Variants in PCDH15 observed in about 807,000 individuals in gnomAD.
PCDH15 encodes the protein protocadherin related 15.
In PCDH15, 129 loss-of-function variants were observed where a neutral mutation model predicts 178.5. That is an observed-to-expected ratio of 0.72 (90% confidence interval 0.63 to 0.84). The LOEUF (loss-of-function observed/expected upper bound fraction) is 0.84, where lower values mean the gene tolerates loss of function less well. Ranked by LOEUF, PCDH15 falls within the 40% of genes least tolerant of loss-of-function variation. The pLI, the probability that PCDH15 is intolerant of heterozygous loss-of-function variation, is 0.00. For synonymous variants in PCDH15, 800 were observed against 732.0 expected (o/e 1.09, Z -1.50); for missense variants, 2,230 against 2,099.9 (o/e 1.06, Z -1.21).
At chr10:55,565,138 T>C (rs1049990442) in intron 2 of PCDH15, among the ~76,000 whole-genome samples, 1 of 151,660 alleles carries the variant, frequency 6.6e-6, no homozygotes, top group Non-Finnish European at 1.5e-5. Flanking sequence ...AAAGATATCA[T>C]ACAAAGTATC....
At chr10:55,457,457 A>T (rs1839578525) in intron 2 of PCDH15, among the ~76,000 whole-genome samples, 4 of 152,040 alleles carry the variant, frequency 2.6e-5, no homozygotes, top group African/African-American at 9.7e-5. Flanking sequence ...CTTGATGCAA[A>T]CATGCATCGC....
At chr10:54,028,963 T>C (rs1018932624) in intron 18 of PCDH15, among the ~76,000 whole-genome samples, 4 of 149,704 alleles carry the variant, frequency 2.7e-5, no homozygotes, top group Non-Finnish European at 5.9e-5. Context: ...GACTACAATA[T>C]CCCCCAGAAA....
At chr10:55,404,731 A>C (rs1838157265) in intron 2 of PCDH15, among the ~76,000 whole-genome samples, 1 of 151,972 alleles carries the variant, frequency 6.6e-6, no homozygotes, top group Non-Finnish European at 1.5e-5. Flanking sequence ...ATGTATAAAA[A>C]TATAGATGCT....
At chr10:55,108,792 T>C (rs533442426) in intron 2 of PCDH15, among the ~76,000 whole-genome samples, 1 of 152,140 alleles carries the variant, frequency 6.6e-6, no homozygotes, top group Non-Finnish European at 1.5e-5. Flanking sequence ...TCCTTCATAA[T>C]TGCTTGAAAA....
intron 18 of PCDH15, among the ~76,000 whole-genome samples, chr10:54,056,413 G>A (rs28701623): frequency 0.21 from 31,747 of 152,026 alleles, 3,495 homozygotes; most frequent in Non-Finnish European, 0.23. Context: ...GGGAAGCCTC[G>A]CAATCATGGC....
chr10:54,317,809 G>A (rs12247611), intron 7 of PCDH15, among the ~76,000 whole-genome samples: 7,180 of 151,598 alleles, frequency 0.047, 522 homozygotes, highest in African/African-American at 0.16. Context: ...GCACAATGTA[G>A]ACTTAGTTTT....
intron 1 of PCDH15, among the ~76,000 whole-genome samples, chr10:55,312,119 G>C (rs925613669): frequency 6.6e-6 from 1 of 152,026 alleles, no homozygotes; most frequent in African/African-American, 2.4e-5. Flanking sequence ...CATGTTGCTC[G>C]AGGGCAAACT....
intron 2 of PCDH15, among the ~76,000 whole-genome samples, chr10:55,544,346 C>A (rs1841833548): frequency 6.6e-6 from 1 of 151,088 alleles, no homozygotes; most frequent in Non-Finnish European, 1.5e-5. Context: ...ACTGTTAAAC[C>A]TTTTAACACT....
At chr10:54,246,766 A>G (rs2055977601) in intron 8 of PCDH15, among the ~76,000 whole-genome samples, 1 of 151,922 alleles carries the variant, frequency 6.6e-6, no homozygotes, top group Non-Finnish European at 1.5e-5. Flanking sequence ...ACGTGGTTGT[A>G]TGGTTTACAT....
At chr10:55,503,010 A>G (rs1042579352) in intron 2 of PCDH15, among the ~76,000 whole-genome samples, 1 of 151,728 alleles carries the variant, frequency 6.6e-6, no homozygotes, top group East Asian at 1.9e-4. Context: ...GCAAAACAAC[A>G]TATATTTTCC....
At chr10:54,144,441 G>T (rs111455790) in intron 14 of PCDH15, among the ~76,000 whole-genome samples, 2 of 152,062 alleles carry the variant, frequency 1.3e-5, no homozygotes, top group African/African-American at 4.8e-5. Context: ...GAAATGAAAC[G>T]CACCAGATCA....
At chr10:54,483,498 T>C (rs77272564) in intron 3 of PCDH15, among the ~76,000 whole-genome samples, 2,690 of 151,992 alleles carry the variant, frequency 0.018, 62 homozygotes, top group African/African-American at 0.061. Context: ...CTAATACTTC[T>C]CATTCTCTTG....
chr10:54,616,353 T>C (rs2093153680), intron 2 of PCDH15, among the ~76,000 whole-genome samples: 1 of 152,072 alleles, frequency 6.6e-6, no homozygotes, highest in Non-Finnish European at 1.5e-5. Context: ...AAAGAACATA[T>C]TCCTAATCAG....
At chr10:54,459,079 T>C (rs575608462) in intron 3 of PCDH15, among the ~76,000 whole-genome samples, 17 of 152,060 alleles carry the variant, frequency 1.1e-4, no homozygotes, top group African/African-American at 2.9e-4. Flanking sequence ...GTCGTGTTCA[T>C]TGGTGTATCT....
chr10:55,183,036 A>G (rs1292503050), intron 1 of PCDH15, among the ~76,000 whole-genome samples: 1 of 151,936 alleles, frequency 6.6e-6, no homozygotes, highest in Admixed American at 6.6e-5. Context: ...CTTCACATCT[A>G]TATTCTCATC....
At chr10:54,663,219 C>T (rs1264193845) in intron 2 of PCDH15, among the ~76,000 whole-genome samples, 1 of 151,790 alleles carries the variant, frequency 6.6e-6, no homozygotes, top group Admixed American at 6.6e-5. Context: ...TTTAGCCAAG[C>T]AAAGCACAAA....
intron 18 of PCDH15, among the ~76,000 whole-genome samples, chr10:54,054,001 G>C (rs1308325719): frequency 6.6e-6 from 1 of 152,082 alleles, no homozygotes; most frequent in African/African-American, 2.4e-5. Context: ...GAGAGTGAGA[G>C]AGAAAGAGGA....
intron 3 of PCDH15, among the ~76,000 whole-genome samples, chr10:54,380,705 CATAT>C (rs58171476): frequency 0.3 from 14,570 of 48,798 alleles, 3,481 homozygotes; most frequent in East Asian, 0.84. Flanking sequence ...ATATATGCTC[CATAT>C]ATATATATAT....
intron 23 of PCDH15, among the ~76,000 whole-genome samples, chr10:53,949,323 C>T (rs909843418): frequency 1.3e-5 from 2 of 152,164 alleles, no homozygotes; most frequent in Non-Finnish European, 1.5e-5. Flanking sequence ...TTACATTGGA[C>T]AACAAATCTA....
Sources: gnomAD v4.1 joint callset for allele counts (sites outside exome capture counted in the v4.1 genomes callset) on GRCh38, gnomAD v4.1.1 for gene constraint, MANE v1.5 for transcripts, NCBI Gene and HGNC (gene_info 2026-07-23, HGNC 2026-07-21) for gene names.